Variants in DENND2B observed in about 807,000 individuals in gnomAD.
DENND2B encodes the protein DENN domain containing 2B, also known as DENN domain-containing protein 2B.
In DENND2B, 32 loss-of-function variants were observed where a neutral mutation model predicts 116.0. The observed-to-expected ratio is 0.28, with a 90% CI of 0.21 to 0.37. The LOEUF (loss-of-function observed/expected upper bound fraction) is 0.37. DENND2B is among the 10% of genes least tolerant of loss of function. The probability of loss-of-function intolerance (pLI) is 1.00; values close to 1 mark genes in which losing one functional copy is unlikely to be tolerated. For synonymous variants in DENND2B, 588 were observed against 583.9 expected, an observed-to-expected ratio of 1.01 and a Z score of -0.10; for missense variants, 1,276 against 1,477.7, an observed-to-expected ratio of 0.86 and a Z score of 2.24.
intron 1 of DENND2B, among the ~76,000 whole-genome samples, chr11:8,900,835 G>A (rs1386566203): frequency 6.6e-6 from 1 of 151,952 alleles, no homozygotes; most frequent in Non-Finnish European, 1.5e-5. Flanking sequence ...CAGGCATAGT[G>A]GTGGGCACCT....
At chr11:8,852,382 C>T (rs1163201568) in intron 3 of DENND2B, among the ~76,000 whole-genome samples, 3 of 152,198 alleles carry the variant, frequency 2.0e-5, no homozygotes, top group Non-Finnish European at 4.4e-5. Flanking sequence ...ATAATCCCAA[C>T]ACTTTGGGAG....
chr11:8,801,689 A>AAGAAAGAAAGAAAG (rs1555198991), intron 1 of DENND2B, among the ~76,000 whole-genome samples: 4 of 117,696 alleles, frequency 3.4e-5, no homozygotes, highest in African/African-American at 1.3e-4. Flanking sequence ...AAAAAAAAAA[A>AAGAAAGAAAGAAAG]AAAGAAAGAA....
intron 2 of DENND2B, among the ~76,000 whole-genome samples, chr11:8,735,154 T>C (rs1392389897): frequency 6.6e-6 from 1 of 152,134 alleles, no homozygotes; most frequent in Non-Finnish European, 1.5e-5. Context: ...GCAGTGGAAA[T>C]TGAAATTGTT....
intron 3 of DENND2B, among the ~76,000 whole-genome samples, chr11:8,856,806 T>G (rs970835163): frequency 6.6e-6 from 1 of 151,344 alleles, no homozygotes; most frequent in African/African-American, 2.4e-5. Context: ...CAGGCTAGAG[T>G]GCAGTGGTGC....
rs568141238 is a variant in DENND2B at position 8,759,136 on chromosome 11, G to A, written c.-25-8411C>T. Among the ~76,000 whole-genome samples, 13 of 152,290 alleles carry A rather than the reference G, an allele frequency of 8.5e-5. No individual in the cohort carries two copies. In the South Asian group the frequency reaches 2.5e-3, roughly 29 times the overall value. The stretch of plus-strand genomic sequence containing the variant: ...TCTCTCAAAGGTCCAAGAAGGGACC[G>A]ATGAGAGGTCAGTCTCTGAAGGGAG... On this transcript the variant is annotated intron_variant, in intron 1 of 19. Coordinates refer to ENST00000313726, the MANE Select transcript of DENND2B (RefSeq NM_213618.2).
intron 1 of DENND2B, chr11:8,783,905 A>T (rs2058638861): frequency 6.6e-6 from 1 of 152,282 alleles, no homozygotes; most frequent in African/African-American, 2.4e-5. Flanking sequence ...AAAGAAGGCA[A>T]GAGTGAGGAG....
chr11:8,701,910 C>G (rs1331938942), intron 14 of DENND2B, among the ~76,000 whole-genome samples: 1 of 152,084 alleles, frequency 6.6e-6, no homozygotes, highest in African/African-American at 2.4e-5. Context: ...CTTACTCCTC[C>G]TAAACCAGCT....
chr11:8,718,696 G>C, intron 4 of DENND2B: 1 of 1,180,222 alleles, frequency 8.5e-7, no homozygotes, highest in South Asian at 3.5e-5. Flanking sequence ...GGGGTGAGGG[G>C]AGTTCTTGCT....
chr11:8,899,410 C>A (rs1168060768), intron 1 of DENND2B, among the ~76,000 whole-genome samples: 1 of 152,140 alleles, frequency 6.6e-6, no homozygotes, highest in Non-Finnish European at 1.5e-5. Context: ...CAAGGTTAAA[C>A]TGTTGAAAGG....
At chr11:8,797,067 T>C (rs769267699) in intron 1 of DENND2B, among the ~76,000 whole-genome samples, 6 of 152,222 alleles carry the variant, frequency 3.9e-5, no homozygotes, top group Non-Finnish European at 5.9e-5. Context: ...GCATTTGATA[T>C]ACCAACCAGA....
intron 4 of DENND2B, 185 bp from the exon 5 acceptor site, chr11:8,718,077 C>A: frequency 1.8e-6 from 1 of 543,866 alleles, no homozygotes; most frequent in Non-Finnish European, 3.2e-6. Flanking sequence ...ATCCTGGCTC[C>A]AAGTCCAGAA....
intron 2 of DENND2B, among the ~76,000 whole-genome samples, chr11:8,861,895 G>A (rs1239257866): frequency 3.3e-5 from 5 of 151,454 alleles, no homozygotes; most frequent in Non-Finnish European, 7.3e-5. Context: ...GGATGGAGCT[G>A]GAGGCCATTA....
At chr11:8,837,501 C>G (rs1396930618) in intron 4 of DENND2B, among the ~76,000 whole-genome samples, 1 of 152,172 alleles carries the variant, frequency 6.6e-6, no homozygotes, top group Non-Finnish European at 1.5e-5. Context: ...GCGCCCGCCA[C>G]CATGCCCGGC....
intron 3 of DENND2B, among the ~76,000 whole-genome samples, chr11:8,849,303 A>G (rs551591934): frequency 6.7e-5 from 10 of 149,438 alleles, no homozygotes; most frequent in African/African-American, 2.5e-4. Flanking sequence ...CACCAGCCTG[A>G]CCAACGTGGT....
At chr11:8,766,940 G>A (rs2055923398) in intron 1 of DENND2B, among the ~76,000 whole-genome samples, 5 of 149,616 alleles carry the variant, frequency 3.3e-5, no homozygotes, top group African/African-American at 9.9e-5. Flanking sequence ...GTGTAGATTC[G>A]TCTATACCAA....
intron 2 of DENND2B, among the ~76,000 whole-genome samples, chr11:8,879,453 A>G (rs1162682521): frequency 6.6e-6 from 1 of 152,252 alleles, no homozygotes. Flanking sequence ...AGATCTAGGA[A>G]GGATATGAAG....
chr11:8,762,245 T>C (rs2054793434), intron 1 of DENND2B, among the ~76,000 whole-genome samples: 1 of 152,188 alleles, frequency 6.6e-6, no homozygotes, highest in African/African-American at 2.4e-5. Context: ...TCAACTACTC[T>C]TTCTCCTTCA....
At position 8,730,070 on chromosome 11, in the gene DENND2B, C is replaced by G; in HGVS notation, c.1220G>C (p.Ser407Thr). 6.2e-7 allele frequency: 1 copy of G among 1,614,174 alleles called. No homozygotes were observed. The highest frequency in any genetic ancestry group is 1.1e-5 in the South Asian group (1 of 91,088). The change falls in exon 3 of 20, where the codon AGT becomes ACT. Residue 407 changes from serine to threonine, a missense_variant. By Grantham distance (58) the Ser-to-Thr change is moderately conservative. This residue lies in a region of DENND2B where 856 missense variants were observed against 846.6 expected (regional missense o/e 1.01). Coordinates refer to ENST00000313726, the MANE Select transcript of DENND2B (RefSeq NM_213618.2). This position sits in a 1 kb window ranked among gnomAD's most constrained non-coding sequence, Gnocchi z 4.1. The stretch of plus-strand genomic sequence containing the variant: ...TGTGGGTGAAGGAGGTAGACCATTA[C>G]TGGGCTTACTCTTGGGGTTCTTGTC... ...EADKNPKSKPSNGLPPSPTPA... is the reference protein window; with the variant it reads ...EADKNPKSKPTNGLPPSPTPA...
intron 4 of DENND2B, among the ~76,000 whole-genome samples, chr11:8,816,140 G>C (rs1254721442): frequency 1.3e-5 from 2 of 152,162 alleles, no homozygotes; most frequent in African/African-American, 4.8e-5. Flanking sequence ...ATCTTAGAAT[G>C]CCTAAGAAAT....
Sources: allele counts gnomAD v4.1 joint callset (sites outside exome capture counted in the v4.1 genomes callset), GRCh38; gene constraint gnomAD v4.1.1; regional missense constraint gnomAD v4.1.1; non-coding constraint Gnocchi (gnomAD v3.1); transcripts MANE v1.5; gene names NCBI Gene and HGNC (gene_info 2026-07-23, HGNC 2026-07-21).